The following PCDH9 variants were observed in gnomAD, a reference collection of about 807,000 sequenced individuals.
PCDH9 encodes protocadherin 9, also known as protocadherin-9.
PCDH9 carries 24 observed loss-of-function variants against 70.6 expected under a neutral mutation model. The observed-to-expected ratio is 0.34, with a 90% CI of 0.25 to 0.48. PCDH9 has a LOEUF of 0.48. Ranked by LOEUF, PCDH9 falls within the 20% of genes least tolerant of loss-of-function variation. The pLI is 0.99. For synonymous variants in PCDH9, 562 were observed against 558.5 expected (o/e 1.01, Z -0.09); for missense variants, 1,281 against 1,503.6 (o/e 0.85, Z 2.45).
At chr13:66,657,886 C>T (rs1428829643) in intron 3 of PCDH9, among the ~76,000 whole-genome samples, 1 of 152,128 alleles carries the variant, frequency 6.6e-6, no homozygotes, top group Non-Finnish European at 1.5e-5. Flanking sequence ...CCTCTGTGTT[C>T]CAGGGTTCTG....
At chr13:66,992,903 A>C (rs1236856326) in intron 2 of PCDH9, among the ~76,000 whole-genome samples, 1 of 38,162 alleles carries the variant, frequency 2.6e-5, no homozygotes, top group Non-Finnish European at 7.9e-5. Context: ...TCTGACTCCT[A>C]AAAAAAAAAA....
chr13:66,941,800 T>C (rs1189453380), intron 2 of PCDH9, among the ~76,000 whole-genome samples: 4 of 152,016 alleles, frequency 2.6e-5, no homozygotes, highest in African/African-American at 7.2e-5. Flanking sequence ...TGGAAGACTT[T>C]AGCAACATAA....
At chr13:67,032,947 T>C (rs1466179856) in intron 2 of PCDH9, among the ~76,000 whole-genome samples, 9 of 151,976 alleles carry the variant, frequency 5.9e-5, no homozygotes, top group Non-Finnish European at 1.2e-4. Context: ...GTAGCCTATG[T>C]TTTTAGTCTG....
At chr13:66,783,902 A>G (rs6650344) in intron 3 of PCDH9, among the ~76,000 whole-genome samples, 1 of 152,122 alleles carries the variant, frequency 6.6e-6, no homozygotes, top group African/African-American at 2.4e-5. Flanking sequence ...AATTCATTTT[A>G]ATGATTGCCA....
intron 2 of PCDH9, among the ~76,000 whole-genome samples, chr13:67,127,768 T>C (rs2087016435): frequency 6.6e-6 from 1 of 151,796 alleles, no homozygotes; most frequent in African/African-American, 2.4e-5. Flanking sequence ...ATGCCTTTTC[T>C]AATTGCACTA....
At chr13:66,897,472 A>G (rs1018411095) in intron 3 of PCDH9, among the ~76,000 whole-genome samples, 1 of 152,164 alleles carries the variant, frequency 6.6e-6, no homozygotes, top group Non-Finnish European at 1.5e-5. Context: ...CATTTAAAAA[A>G]TGAAATCAAT....
In PCDH9 at chr13:66,819,295, C is replaced by T. The variant is rs370107182; in HGVS notation, c.3138+84209G>A. On this transcript the variant is annotated intron_variant, in intron 3 of 4. Transcript: ENST00000377865. ...ATGTACCCCATTGTAAAACTTTCCA[C>T]TTGCTTCCTCCCAAAGTAATTGATG... Among the ~76,000 whole-genome samples the T allele has an allele frequency of 8.7e-5, 13 of 149,854 alleles. 1 individual carries two copies. Among genetic ancestry groups the T allele is most frequent in the African/African-American group, 3.2e-4 (13 of 40,944 alleles).
chr13:66,805,678 A>G (rs1186349066), intron 3 of PCDH9, among the ~76,000 whole-genome samples: 6 of 152,120 alleles, frequency 3.9e-5, no homozygotes, highest in Non-Finnish European at 8.8e-5. Context: ...AAAAAATAGA[A>G]TTGTTGATAT....
intron 4 of PCDH9, among the ~76,000 whole-genome samples, chr13:66,603,747 A>G (rs2077190095): frequency 6.6e-6 from 1 of 152,122 alleles, no homozygotes; most frequent in South Asian, 2.1e-4. Context: ...CAATTATTTG[A>G]TGTAAGAGTT....
chr13:66,339,476 T>G (rs1956091525), intron 4 of PCDH9, among the ~76,000 whole-genome samples: 1 of 152,112 alleles, frequency 6.6e-6, no homozygotes, highest in Admixed American at 6.6e-5. Flanking sequence ...TCTGACTACA[T>G]TAGTAATTCA....
At chr13:66,818,189 C>T (rs942395973) in intron 3 of PCDH9, among the ~76,000 whole-genome samples, 2 of 152,112 alleles carry the variant, frequency 1.3e-5, no homozygotes, top group Non-Finnish European at 2.9e-5. Flanking sequence ...TGTATAATTA[C>T]GTTCCTTTCT....
chr13:66,733,816 C>T lies in PCDH9; in HGVS notation c.3139-102405G>A, dbSNP rs576537590. Among the ~76,000 whole-genome samples the T allele has an allele frequency of 7.2e-5, 11 of 152,056 alleles. No individual in the cohort carries two copies. The South Asian group carries it at 2.1e-3, about 29-fold the overall frequency. The stretch of plus-strand genomic sequence containing the variant: ...ACAAGATTTTGTATTCATATTCTTA[C>T]TTTTTGTTACTTTGCTAGTCACTTT... On this transcript the variant is annotated intron_variant, in intron 3 of 4. Transcript: ENST00000377865.
intron 4 of PCDH9, among the ~76,000 whole-genome samples, chr13:66,625,392 T>A (rs2077484848): frequency 6.6e-6 from 1 of 152,194 alleles, no homozygotes; most frequent in African/African-American, 2.4e-5. Context: ...GAACGGTATT[T>A]CAGGCTAGTC....
intron 2 of PCDH9, among the ~76,000 whole-genome samples, chr13:67,135,643 TGAG>T (rs1341098302): frequency 6.6e-6 from 1 of 152,110 alleles, no homozygotes; most frequent in East Asian, 1.9e-4. Context: ...AGCAGAGTTC[TGAG>T]GAGAAGATGT....
chr13:67,067,535 T>G (rs2085672381), intron 2 of PCDH9, among the ~76,000 whole-genome samples: 1 of 152,056 alleles, frequency 6.6e-6, no homozygotes, highest in Non-Finnish European at 1.5e-5. Flanking sequence ...CATACTTCAT[T>G]AGTGTGAAAA....
chr13:66,445,706 G>T (rs867606860), intron 4 of PCDH9, among the ~76,000 whole-genome samples: 1 of 124,878 alleles, frequency 8.0e-6, no homozygotes, highest in South Asian at 2.4e-4. Context: ...TATATATTAT[G>T]TATACACATA....
At chr13:66,489,465 C>T (rs1958997980) in intron 4 of PCDH9, among the ~76,000 whole-genome samples, 1 of 152,142 alleles carries the variant, frequency 6.6e-6, no homozygotes, top group South Asian at 2.1e-4. Context: ...CATGCACCAC[C>T]ACACCCAGCA....
At chr13:66,340,207 G>C (rs1346193659) in intron 4 of PCDH9, among the ~76,000 whole-genome samples, 1 of 152,118 alleles carries the variant, frequency 6.6e-6, no homozygotes. Context: ...AATTCATTTG[G>C]CAAGAGATAA....
At chr13:66,852,091 C>T (rs2081323782) in intron 3 of PCDH9, among the ~76,000 whole-genome samples, 1 of 152,010 alleles carries the variant, frequency 6.6e-6, no homozygotes, top group Non-Finnish European at 1.5e-5. Flanking sequence ...TTAATTACTG[C>T]AATAAAGGCC....
Sources: gnomAD v4.1 joint callset for allele counts (sites outside exome capture counted in the v4.1 genomes callset) on GRCh38, gnomAD v4.1.1 for gene constraint, MANE v1.5 for transcripts, NCBI Gene and HGNC (gene_info 2026-07-23, HGNC 2026-07-21) for gene names.